The following TOR1AIP2 variants were observed in gnomAD, a reference collection of about 807,000 sequenced individuals.
TOR1AIP2 encodes the protein torsin-1A-interacting protein 2.
Under a neutral mutation model 32.6 loss-of-function variants are expected in TOR1AIP2, and 20 were observed. The observed-to-expected ratio is 0.61, with a 90% CI of 0.43 to 0.89. TOR1AIP2 has a LOEUF of 0.89. TOR1AIP2 is among the 40% of genes least tolerant of loss of function. The pLI is 0.00. For missense variants in TOR1AIP2, 456 were observed against 553.8 expected (o/e 0.82, Z 1.77); for synonymous variants, 214 against 210.8 (o/e 1.02, Z -0.13).
chr1:179,864,941 C>G (rs1190960368), intron 3 of TOR1AIP2: 3 of 1,613,936 alleles, frequency 1.9e-6, no homozygotes, highest in Non-Finnish European at 2.5e-6. Flanking sequence ...AAAGGTCCAT[C>G]TGGTGAGATT....
chr1:179,858,619 A>C (rs1477732369), intron 3 of TOR1AIP2, among the ~76,000 whole-genome samples: 2 of 152,236 alleles, frequency 1.3e-5, no homozygotes, highest in South Asian at 4.1e-4. Context: ...AAAGACCTAT[A>C]ATGGAAACTC....
chr1:179,866,773 A>G (rs1274358036), intron 2 of TOR1AIP2, among the ~76,000 whole-genome samples: 1 of 152,220 alleles, frequency 6.6e-6, no homozygotes, highest in Non-Finnish European at 1.5e-5. Flanking sequence ...CACAGCCCTG[A>G]GCAATAGTCC....
rs1695691242 is a variant in TOR1AIP2, at chr1:179,840,672, C to T, written c.*5399G>A. On this transcript the variant is annotated 3_prime_UTR_variant, in exon 7 of 7. Transcript: ENST00000609928. ...GTTTACCAAACATCGCATGTTCTCA[C>T]TCATAGGTGGGAATTGAACAAAGAA... is the stretch of plus-strand genomic sequence containing the variant. The T allele has an allele frequency of 6.7e-6, 1 of 148,686 alleles. No homozygotes were observed. The highest frequency in any genetic ancestry group is 6.8e-5 in the Admixed American group (1 of 14,694). 9.2% of individuals were successfully genotyped at this position (148,686 alleles called of 1,614,324 possible).
chr1:179,845,800 T>TA lies in TOR1AIP2; in HGVS notation c.*270dup, dbSNP rs930301763. ...TGCAATGTTGCTATATTTTAGAATT[T>TA]AAAAAAAATTCTCATATATATCATC... On this transcript the variant is annotated 3_prime_UTR_variant, in exon 7 of 7. Transcript: ENST00000609928. 13 of 336,612 alleles carry TA rather than the reference T, an allele frequency of 3.9e-5. No individual in the cohort carries two copies. The highest frequency in any genetic ancestry group is 8.0e-5 in the South Asian group (1 of 12,452). 20.9% of individuals were successfully genotyped at this position (336,612 alleles called of 1,614,324 possible).
At position 179,852,676 on chromosome 1, in the gene TOR1AIP2, T is replaced by C. The variant is rs1696163825; in HGVS notation, c.-11A>G. On this transcript the variant is annotated 5_prime_UTR_variant, in exon 4 of 7. It adds an upstream start codon to the 5' untranslated region. Coordinates refer to ENST00000609928, the MANE Select transcript of TOR1AIP2 (RefSeq NM_001199260.2). ...TCCACTGTCGGCCATGTTTGTGTTC[T>C]ATCTCTTCAGAGTTGGGAGGATACT... is the stretch of plus-strand genomic sequence containing the variant. The C allele has an allele frequency of 6.2e-7, 1 of 1,614,092 alleles. No homozygotes were observed. The highest frequency in any genetic ancestry group is 8.5e-7 in the Non-Finnish European group (1 of 1,179,950).
chr1:179,873,312 C>CCT (rs1261655425), intron 2 of TOR1AIP2, among the ~76,000 whole-genome samples: 1 of 152,214 alleles, frequency 6.6e-6, no homozygotes, highest in African/African-American at 2.4e-5. Context: ...CAGACATGAG[C>CCT]CTCTGCACCT....
chr1:179,846,956 A>T, intron 6 of TOR1AIP2, 128 bp from the exon 7 acceptor site: 1 of 979,894 alleles, frequency 1.0e-6, no homozygotes, highest in Middle Eastern at 3.0e-4. Context: ...TCTTTTGCAT[A>T]AATTGTTTAA....
chr1:179,862,704 G>T, intron 3 of TOR1AIP2: 1 of 953,220 alleles, frequency 1.0e-6, no homozygotes, highest in Non-Finnish European at 1.2e-6. Context: ...AGGGCAGGTG[G>T]ATCATCTGAG....
intron 3 of TOR1AIP2, chr1:179,864,844 T>A (rs753242144): frequency 1.2e-6 from 2 of 1,614,038 alleles, no homozygotes; most frequent in Non-Finnish European, 1.7e-6. Flanking sequence ...TTAACTGTAA[T>A]GCAGGGTTAA....
At chr1:179,862,112 T>G in intron 3 of TOR1AIP2, 1 of 985,366 alleles carries the variant, frequency 1.0e-6, no homozygotes, top group Non-Finnish European at 1.2e-6. Context: ...TCACAGGTAC[T>G]GCTTAGGTAT....
chr1:179,861,578 TGAA>T lies in TOR1AIP2; in HGVS notation c.-147+3855_-147+3857del, dbSNP rs1032789028. 113 of 985,240 alleles carry T rather than the reference TGAA, an allele frequency of 1.1e-4. No individual in the cohort carries two copies. In the Admixed American group the frequency reaches 1.6e-3, roughly 14 times the overall value. 61.0% of individuals were successfully genotyped at this position (985,240 alleles called of 1,614,324 possible). Reference sequence around the variant, plus strand: ...TAATGACACTGAACAAAACTGTTTGTGAAGAAGACTGAAACATTCCTGATTAGT... The same window carrying T: ...TAATGACACTGAACAAAACTGTTTGTGAAGACTGAAACATTCCTGATTAGT... On this transcript the variant is annotated intron_variant, in intron 3 of 6. Coordinates refer to ENST00000609928, the MANE Select transcript of TOR1AIP2 (RefSeq NM_001199260.2).
At chr1:179,852,832 A>T in intron 3 of TOR1AIP2, 21 bp from the exon 4 acceptor site, 2 of 1,387,212 alleles carry the variant, frequency 1.4e-6, no homozygotes, top group Non-Finnish European at 1.9e-6. Flanking sequence ...ATGAAAAAAA[A>T]TTAAATGACT....
At position 179,846,138 on chromosome 1, in the gene TOR1AIP2, C is replaced by A. The variant is rs1421783873; in HGVS notation, c.1346G>T (p.Arg449Leu). ...DSDKLSGLWS[R>L]ISHLVLPVQP... The stretch of plus-strand genomic sequence containing the variant: ...GACTGGCAGTACCAGGTGTGAAATT[C>A]GGCTCCACAGCCCACTCAATTTGTC... The change falls in exon 7 of 7, where the codon CGA becomes CTA. Residue 449 changes from arginine to leucine, a missense_variant. Arg to Leu is a moderately radical substitution (Grantham distance 102, BLOSUM62 -2). Coordinates refer to ENST00000609928, the MANE Select transcript of TOR1AIP2 (RefSeq NM_001199260.2). 1 of 1,614,194 alleles carries A rather than the reference C, an allele frequency of 6.2e-7. No individual in the cohort carries two copies. The highest frequency in any genetic ancestry group is 1.6e-4 in the Middle Eastern group (1 of 6,062).
intron 3 of TOR1AIP2, chr1:179,861,794 C>T (rs973004817): frequency 1.3e-5 from 13 of 985,128 alleles, no homozygotes; most frequent in Non-Finnish European, 1.6e-5. Context: ...ATTACTACAG[C>T]ATTTCTCAAA....
chr1:179,859,582 T>G lies in TOR1AIP2; in HGVS notation c.-147+5854A>C, dbSNP rs1019108450. The G allele has an allele frequency of 3.0e-6, 3 of 985,344 alleles. No individual in the cohort carries two copies. In the African/African-American group the frequency reaches 5.2e-5, roughly 17 times the overall value. 61.0% of individuals were successfully genotyped at this position (985,344 alleles called of 1,614,324 possible). ...TTCTTCTTTTTCCTTTTCAGGGAAC[T>G]ACCACTTCAGGAATTTGTTTATTTC... On this transcript the variant is annotated intron_variant, in intron 3 of 6. Coordinates refer to ENST00000609928, the MANE Select transcript of TOR1AIP2 (RefSeq NM_001199260.2).
chr1:179,863,508 A>G lies in TOR1AIP2; in HGVS notation c.-147+1928T>C, dbSNP rs16854853. 4.3e-3 allele frequency: 4,189 copies of G among 982,566 alleles called. 131 individuals are homozygous for G. In the African/African-American group the frequency reaches 0.066, roughly 15 times the overall value. The allele number at this position is 982,566 out of a possible 1,614,324, so 60.9% of individuals were successfully genotyped here. On this transcript the variant is annotated intron_variant, in intron 3 of 6. Coordinates refer to ENST00000609928, the MANE Select transcript of TOR1AIP2 (RefSeq NM_001199260.2). Reference sequence around the variant, plus strand: ...AAGAAGTCATATTGTACTCATTGAGAAAAAAAAACCTAACGATAAAAAGCA... The same window carrying G: ...AAGAAGTCATATTGTACTCATTGAGGAAAAAAAACCTAACGATAAAAAGCA...
At chr1:179,860,087 A>G in intron 3 of TOR1AIP2, 1 of 947,866 alleles carries the variant, frequency 1.1e-6, no homozygotes, top group Non-Finnish European at 1.3e-6. Context: ...GGCTCAAGCC[A>G]TCCTCCTGCC....
chr1:179,869,714 G>A (rs1156538396), intron 2 of TOR1AIP2, among the ~76,000 whole-genome samples: 1 of 152,134 alleles, frequency 6.6e-6, no homozygotes, highest in Non-Finnish European at 1.5e-5. Context: ...TACAAAAGAG[G>A]GTTTATCTTA....
chr1:179,867,900 G>A (rs1412847866), intron 2 of TOR1AIP2: 1 of 152,162 alleles, frequency 6.6e-6, no homozygotes, highest in Non-Finnish European at 1.5e-5. Context: ...TTAAACCTCT[G>A]TAGGCAAGAG....
Sources: allele counts gnomAD v4.1 joint callset (sites outside exome capture counted in the v4.1 genomes callset), GRCh38; gene constraint gnomAD v4.1.1; transcripts MANE v1.5; gene names NCBI Gene and HGNC (gene_info 2026-07-23, HGNC 2026-07-21).